The following ZNF569 variants were observed in gnomAD, a reference collection of about 807,000 sequenced individuals.
ZNF569 encodes zinc finger protein 569.
Under a neutral mutation model 56.3 loss-of-function variants are expected in ZNF569, and 38 were observed. The ratio of observed to expected loss-of-function variants is 0.68; its 90% CI spans 0.52 to 0.88. The LOEUF (loss-of-function observed/expected upper bound fraction) is 0.88, where lower values mean the gene tolerates loss of function less well. Ranked by LOEUF, ZNF569 falls within the 40% of genes least tolerant of loss-of-function variation. The probability of loss-of-function intolerance (pLI) is 0.00; values close to 1 mark genes in which losing one functional copy is unlikely to be tolerated. For missense variants in ZNF569, 666 were observed against 809.2 expected, an observed-to-expected ratio of 0.82 and a Z score of 2.15; for synonymous variants, 241 against 262.9, an observed-to-expected ratio of 0.92 and a Z score of 0.81.
In ZNF569 at chr19:37,422,227, A is replaced by G. The variant is rs926992214; in HGVS notation, c.238+3641T>C. Among the ~76,000 whole-genome samples the G allele has an allele frequency of 3.9e-5, 6 of 152,332 alleles. No individual in the cohort carries two copies. In the South Asian group the frequency reaches 6.2e-4, roughly 16 times the overall value. ...CTCTTCCTTTCACTTGAACACTTAGAGGTCATTGTAGGGTTATTAATTGCC... is the reference window on the plus strand; with the variant it reads ...CTCTTCCTTTCACTTGAACACTTAGGGGTCATTGTAGGGTTATTAATTGCC... On this transcript the variant is annotated intron_variant, in intron 5 of 5. Coordinates refer to ENST00000316950, the MANE Select transcript of ZNF569 (RefSeq NM_152484.3).
chr19:37,419,087 A>G (rs1472544901), intron 5 of ZNF569, among the ~76,000 whole-genome samples: 4 of 152,082 alleles, frequency 2.6e-5, no homozygotes, highest in Admixed American at 2.6e-4. Flanking sequence ...TCTTGGCCAT[A>G]TTTATGTCTT....
At chr19:37,434,455 G>A (rs1220562223) in intron 3 of ZNF569, among the ~76,000 whole-genome samples, 4 of 152,220 alleles carry the variant, frequency 2.6e-5, no homozygotes, top group Admixed American at 1.3e-4. Flanking sequence ...TTGGGAGGCC[G>A]AGGCGGGCAG....
chr19:37,466,494 T>C (rs756627299), intron 1 of ZNF569, among the ~76,000 whole-genome samples: 16 of 152,038 alleles, frequency 1.1e-4, no homozygotes, highest in Non-Finnish European at 2.1e-4. Flanking sequence ...CCAGGCGTGG[T>C]GGTGCGCCTG....
intron 2 of ZNF569, among the ~76,000 whole-genome samples, chr19:37,458,580 G>A (rs917482634): frequency 6.6e-6 from 1 of 152,046 alleles, no homozygotes; most frequent in Non-Finnish European, 1.5e-5. Context: ...TGTATCTCAT[G>A]AGCTTAACCA....
At chr19:37,456,997 C>G (rs1257887227) in intron 2 of ZNF569, among the ~76,000 whole-genome samples, 1 of 150,948 alleles carries the variant, frequency 6.6e-6, no homozygotes, top group African/African-American at 2.4e-5. Flanking sequence ...ACAAAAAACA[C>G]AAAACTCAAA....
rs2041859995 is a variant in ZNF569 at position 37,467,262 on chromosome 19, G to C, written c.-383C>G. 6.6e-6 allele frequency: 1 copy of C among 152,318 alleles called. No homozygotes were observed. The allele number at this position is 152,318 out of a possible 1,614,324, so 9.4% of individuals were successfully genotyped here. A position where few individuals can be genotyped will look rare whatever the true frequency, so the allele number is the denominator to read the frequency against. On this transcript the variant is annotated 5_prime_UTR_variant, in exon 1 of 6. Transcript: ENST00000316950. ...CCCAGAGGCCCCCGCGGCTCACCCG[G>C]GCGGGACTGGCTTCACTGTTTGCGC...
At chr19:37,462,245 C>T (rs938486876) in intron 2 of ZNF569, among the ~76,000 whole-genome samples, 1 of 152,120 alleles carries the variant, frequency 6.6e-6, no homozygotes, top group Non-Finnish European at 1.5e-5. Context: ...CCAAGCTCAG[C>T]CAAACTCTGC....
chr19:37,419,310 T>C (rs2040989354), intron 5 of ZNF569, among the ~76,000 whole-genome samples: 1 of 152,138 alleles, frequency 6.6e-6, no homozygotes, highest in Admixed American at 6.5e-5. Context: ...TAAATTAAAA[T>C]CTACAAATCA....
intron 2 of ZNF569, among the ~76,000 whole-genome samples, chr19:37,451,622 G>T (rs1427673960): frequency 6.6e-6 from 1 of 151,878 alleles, no homozygotes; most frequent in African/African-American, 2.4e-5. Context: ...CTGGTGTTGG[G>T]TGCATATATA....
intron 3 of ZNF569, among the ~76,000 whole-genome samples, chr19:37,432,763 C>G (rs2041246034): frequency 6.6e-6 from 1 of 151,934 alleles, no homozygotes; most frequent in Non-Finnish European, 1.5e-5. Context: ...TCAGGAAACT[C>G]AATGAAATTC....
Position 37,413,736 on chromosome 19 carries a change from T to C in ZNF569, c.922A>G (p.Ser308Gly). 6.2e-7 allele frequency: 1 copy of C among 1,613,508 alleles called. No homozygotes were observed. Among genetic ancestry groups the C allele is most frequent in the South Asian group, 1.1e-5 (1 of 91,040 alleles). Residue 308 changes from serine to glycine, a missense_variant, in exon 6 of 6, where the codon AGC becomes GGC. Physicochemically the swap from Ser to Gly is moderately conservative, Grantham distance 56 (BLOSUM62 0). Transcript: ENST00000316950. ...YECNECGKAF[S>G]QKQSLIAHQK... ...TGTGCAATGAGGCTTTGCTTCTGGCTGAATGCTTTTCCACACTCATTACAT... is the reference window on the plus strand; with the variant it reads ...TGTGCAATGAGGCTTTGCTTCTGGCCGAATGCTTTTCCACACTCATTACAT...
At chr19:37,427,784 T>C (rs1362857626) in intron 3 of ZNF569, 2 of 516,542 alleles carry the variant, frequency 3.9e-6, no homozygotes, top group African/African-American at 3.8e-5. Context: ...GTTTTTAATA[T>C]TTCCCCTCAT....
intron 5 of ZNF569, among the ~76,000 whole-genome samples, chr19:37,414,914 G>A (rs2146855124): frequency 6.6e-6 from 1 of 152,070 alleles, no homozygotes; most frequent in African/African-American, 2.4e-5. Flanking sequence ...AATATGAAAA[G>A]TAATTCCCTA....
intron 3 of ZNF569, among the ~76,000 whole-genome samples, chr19:37,428,348 G>C (rs1208481435): frequency 1.3e-5 from 2 of 150,654 alleles, no homozygotes; most frequent in African/African-American, 4.9e-5. Context: ...TACAATAAAT[G>C]AATGAATGAA....
At chr19:37,442,424 G>C (rs2041421845) in intron 3 of ZNF569, among the ~76,000 whole-genome samples, 1 of 152,172 alleles carries the variant, frequency 6.6e-6, no homozygotes, top group Non-Finnish European at 1.5e-5. Flanking sequence ...GAAACACAGT[G>C]AATGAGGGAG....
chr19:37,432,904 CTTTTTTTTTTT>C lies in ZNF569; in HGVS notation c.16-6537_16-6527del, dbSNP rs869051048. Among the ~76,000 whole-genome samples, 4 of 122,538 alleles carry C rather than the reference CTTTTTTTTTTT, an allele frequency of 3.3e-5. 1 individual carries two copies. Among genetic ancestry groups the C allele is most frequent in the Admixed American group, 2.7e-4 (3 of 11,206 alleles). The allele number at this position is 122,538 out of a possible 152,430, so 80.4% of individuals were successfully genotyped here. A position where few individuals can be genotyped will look rare whatever the true frequency, so the allele number is the denominator to read the frequency against. On this transcript the variant is annotated intron_variant, in intron 3 of 5. Transcript: ENST00000316950. Reference sequence around the variant, plus strand: ...CGGACAAACTAAAGAATGCATCAGTCTTTTTTTTTTTTTTTTTTTTTGAGACAGAGTCTCTG... The same window carrying C: ...CGGACAAACTAAAGAATGCATCAGTCTTTTTTTTTTGAGACAGAGTCTCTG...
In ZNF569 at chr19:37,444,975, G is replaced by T. The variant is rs1456131454; in HGVS notation, c.-43-11C>A. ...CCTGCAGAAGTAGAGCTGGGGAAGA[G>T]AATAAAAGTCATTAAAATAGGCCTG... On this transcript the variant is annotated splice_polypyrimidine_tract_variant and intron_variant, in intron 2 of 5. Coordinates refer to ENST00000316950, the MANE Select transcript of ZNF569 (RefSeq NM_152484.3). The T allele has an allele frequency of 3.1e-6, 5 of 1,590,084 alleles. No homozygotes were observed. Among genetic ancestry groups the T allele is most frequent in the Non-Finnish European group, 4.3e-6 (5 of 1,171,068 alleles).
At chr19:37,444,778 C>A in intron 3 of ZNF569, 129 bp downstream of exon 3, 1 of 664,452 alleles carries the variant, frequency 1.5e-6, no homozygotes, top group South Asian at 2.2e-5. Flanking sequence ...TTTAATCGTT[C>A]AACTCTATTT....
At position 37,426,312 on chromosome 19, in the gene ZNF569, C is replaced by G. The variant is rs1450738783; in HGVS notation, c.82G>C (p.Ala28Pro). The G allele has an allele frequency of 6.2e-7, 1 of 1,613,876 alleles. No homozygotes were observed. The highest frequency in any genetic ancestry group is 1.1e-5 in the South Asian group (1 of 91,030). The change falls in exon 4 of 6, where the codon GCT becomes CCT. Residue 28 changes from alanine (A) to proline (P), a missense_variant. Coordinates refer to ENST00000316950, the MANE Select transcript of ZNF569 (RefSeq NM_152484.3). ...TQEEWKRLDP[A>P]QRKLYRNVML... is the part of the protein sequence containing the mutation. The stretch of plus-strand genomic sequence containing the variant: ...ACATTCCGGTACAGTTTTCTCTGAG[C>G]AGGATCCAATCTCTTCCACTCCTCC...
Sources: allele counts gnomAD v4.1 joint callset (sites outside exome capture counted in the v4.1 genomes callset), GRCh38; gene constraint gnomAD v4.1.1; transcripts MANE v1.5; gene names NCBI Gene and HGNC (gene_info 2026-07-23, HGNC 2026-07-21).